Variants in TEX15 observed in about 807,000 individuals in gnomAD.
The protein encoded by TEX15 is testis expressed 15, meiosis and synapsis associated, also known as testis-expressed protein 15.
A neutral mutation model predicts 237.3 loss-of-function variants in TEX15; 171 were observed. That is an observed-to-expected ratio of 0.72 (90% CI 0.64 to 0.82). TEX15 has a LOEUF of 0.82. TEX15 is among the 40% of genes least tolerant of loss of function. The probability of loss-of-function intolerance (pLI) is 0.00; values close to 1 mark genes in which losing one functional copy is unlikely to be tolerated. For missense variants in TEX15, 3,750 were observed against 3,646.5 expected, an observed-to-expected ratio of 1.03 and a Z score of -0.73; for synonymous variants, 1,338 against 1,269.8, an observed-to-expected ratio of 1.05 and a Z score of -1.14.
intron 5 of TEX15, among the ~76,000 whole-genome samples, chr8:30,863,748 A>G (rs1808100402): frequency 6.6e-6 from 1 of 152,206 alleles, no homozygotes; most frequent in East Asian, 1.9e-4. Flanking sequence ...GGAAAAGTGC[A>G]GGCTCAGAAA....
chr8:30,866,988 G>A lies in TEX15; in HGVS notation c.540+277C>T, dbSNP rs933821648. ...TATGATAGAAACAAAAAGAGTAAAAGAGAGGTGGGTAAATCAGAACAAAAA... is the reference window on the plus strand; with the variant it reads ...TATGATAGAAACAAAAAGAGTAAAAAAGAGGTGGGTAAATCAGAACAAAAA... On this transcript the variant is annotated intron_variant, in intron 5 of 10. Coordinates refer to ENST00000643185, the MANE Select transcript of TEX15 (RefSeq NM_001350162.2). Among the ~76,000 whole-genome samples the A allele has an allele frequency of 3.3e-5, 5 of 150,036 alleles. 1 individual carries two copies. In the South Asian group the frequency reaches 8.4e-4, roughly 25 times the overall value.
chr8:30,869,513 G>A (rs368731269), intron 4 of TEX15, among the ~76,000 whole-genome samples: 1 of 151,940 alleles, frequency 6.6e-6, no homozygotes, highest in Admixed American at 6.6e-5. Flanking sequence ...AATTTCCACC[G>A]TGTGTTTTAT....
chr8:30,911,080 C>G lies in TEX15; in HGVS notation c.-86+1799G>C, dbSNP rs117060719. 5.2e-4 allele frequency among the ~76,000 whole-genome samples: 79 copies of G among 152,236 alleles called. 2 individuals are homozygous for G. The East Asian group carries it at 0.015, about 29-fold the overall frequency. ...TATTCAATAAATTTAACCATTTTCT[C>G]AATGTGAACTCAACGACATTTTAAT... is the stretch of plus-strand genomic sequence containing the variant. On this transcript the variant is annotated intron_variant, in intron 1 of 10. Coordinates refer to ENST00000643185, the MANE Select transcript of TEX15 (RefSeq NM_001350162.2).
At chr8:30,889,954 C>CATATATATATATATATATACAT in intron 2 of TEX15, among the ~76,000 whole-genome samples, 54 of 110,078 alleles carry the variant, frequency 4.9e-4, no homozygotes, top group South Asian at 3.6e-3. Context: ...TATATATATA[C>CATATATATATATATATATACAT]ATATATATAT....
At chr8:30,874,835 T>C in intron 4 of TEX15, 102 bp downstream of exon 4, 1 of 672,534 alleles carries the variant, frequency 1.5e-6, no homozygotes, top group Non-Finnish European at 2.1e-6. Context: ...GTTTTCTTAG[T>C]AATAACTTAC....
intron 3 of TEX15, among the ~76,000 whole-genome samples, chr8:30,879,253 G>C (rs1018872737): frequency 2.0e-5 from 3 of 152,026 alleles, no homozygotes; most frequent in South Asian, 4.2e-4. Context: ...CTTCCTAACA[G>C]AGTCTTTCGC....
chr8:30,840,071 T>A (rs1173451311), intron 8 of TEX15, 107 bp from the exon 9 acceptor site: 1 of 616,884 alleles, frequency 1.6e-6, no homozygotes, highest in Non-Finnish European at 2.5e-6. Context: ...TCTGCCATCA[T>A]CTAAAGTTAA....
chr8:30,856,246 C>T (rs28826423), intron 7 of TEX15, among the ~76,000 whole-genome samples: 31,113 of 151,708 alleles, frequency 0.21, 4,291 homozygotes, highest in African/African-American at 0.37. Context: ...GTGCCCGGCA[C>T]GAAGTTTCTT....
intron 5 of TEX15, among the ~76,000 whole-genome samples, chr8:30,861,376 TAAAC>T (rs746876605): frequency 3.3e-5 from 5 of 152,186 alleles, no homozygotes; most frequent in Admixed American, 6.5e-5. Context: ...TTTCTGCCCA[TAAAC>T]AACAAATGAT....
intron 5 of TEX15, among the ~76,000 whole-genome samples, chr8:30,864,476 A>C (rs532553830): frequency 6.6e-6 from 1 of 151,744 alleles, no homozygotes; most frequent in Non-Finnish European, 1.5e-5. Flanking sequence ...AGGTAGGAGG[A>C]TCGCTAGAGC....
At chr8:30,899,676 G>T (rs1808971544) in intron 1 of TEX15, among the ~76,000 whole-genome samples, 1 of 152,094 alleles carries the variant, frequency 6.6e-6, no homozygotes, top group South Asian at 2.1e-4. Context: ...GACCTCTAGT[G>T]ATCTGTCCGC....
rs1451279850 is a variant in TEX15 at position 30,842,041 on chromosome 8, T to G, written c.8126A>C (p.Gln2709Pro). ...ACAACTGGAAACAGTAGTATCTTGC[T>G]GTTGTTCCTGAGAGTCTTCACATTT... ...VDKCEDSQEQ[Q>P]QDTTVSSCKK... The change falls in exon 8 of 11, where the codon CAG becomes CCG. Residue 2709 changes from glutamine (Q) to proline (P), a missense_variant. Coordinates refer to ENST00000643185, the MANE Select transcript of TEX15 (RefSeq NM_001350162.2). 1 of 1,605,934 alleles carries G rather than the reference T, an allele frequency of 6.2e-7. No homozygotes were observed. Among genetic ancestry groups the G allele is most frequent in the African/African-American group, 1.3e-5 (1 of 74,342 alleles).
At position 30,838,079 on chromosome 8, in the gene TEX15, T is replaced by C. The variant is rs767613885; in HGVS notation, c.8223-18A>G. Reference sequence around the variant, plus strand: ...CTGTAGTCCTATTAGGTGCAACACATACATAAAAATGAATTTAAATATATA... The same window carrying C: ...CTGTAGTCCTATTAGGTGCAACACACACATAAAAATGAATTTAAATATATA... On this transcript the variant is annotated intron_variant, in intron 9 of 10. Transcript: ENST00000643185. The C allele has an allele frequency of 1.3e-6, 2 of 1,554,612 alleles. No individual in the cohort carries two copies. Among genetic ancestry groups the C allele is most frequent in the South Asian group, 1.2e-5 (1 of 80,452 alleles).
rs1278703100 is a variant in TEX15, at chr8:30,867,504, T to C, written c.303-2A>G. The C allele has an allele frequency of 6.6e-7, 1 of 1,517,604 alleles. No individual in the cohort carries two copies. Among genetic ancestry groups the C allele is most frequent in the Non-Finnish European group, 8.8e-7 (1 of 1,131,096 alleles). The allele number at this position is 1,517,604 out of a possible 1,614,324, so 94.0% of individuals were successfully genotyped here. On this transcript the variant is annotated splice_acceptor_variant, in intron 4 of 10. Transcript: ENST00000643185. LOFTEE classifies it high-confidence loss of function. ...CTTCCACTTTCACGCATCTCTGACC[T>C]AAAGTAAAACAAACAATGTATACAG...
chr8:30,845,316 A>T lies in TEX15; in HGVS notation c.4851T>A (p.Ser1617=). The T allele has an allele frequency of 6.2e-7, 1 of 1,612,956 alleles. No individual in the cohort carries two copies. The highest frequency in any genetic ancestry group is 8.5e-7 in the Non-Finnish European group (1 of 1,179,376). ...DANEVINESN[S]VSLSCIKENI... ...TTTCTTTTATGCAACTTAAAGATAC[A>T]GAATTACTTTCATTTATTACTTCAT... The change falls in exon 8 of 11, where the codon TCT becomes TCA. Residue 1617 remains serine (S), a synonymous_variant. Transcript: ENST00000643185.
At chr8:30,852,384 C>T (rs906676342) in intron 7 of TEX15, among the ~76,000 whole-genome samples, 10 of 151,926 alleles carry the variant, frequency 6.6e-5, no homozygotes, top group East Asian at 1.9e-4. Context: ...TGAGCCACCG[C>T]GCCTGGCCAC....
intron 2 of TEX15, among the ~76,000 whole-genome samples, chr8:30,897,071 C>T (rs1400330795): frequency 6.6e-6 from 1 of 152,054 alleles, no homozygotes; most frequent in Non-Finnish European, 1.5e-5. Context: ...TCCAAATTGT[C>T]TTTACAAAAT....
chr8:30,852,786 C>T (rs1049071497), intron 7 of TEX15, among the ~76,000 whole-genome samples: 1 of 152,112 alleles, frequency 6.6e-6, no homozygotes, highest in Non-Finnish European at 1.5e-5. Context: ...AACCAGATTA[C>T]AATCAATAAA....
chr8:30,845,030 T>G lies in TEX15; in HGVS notation c.5137A>C (p.Lys1713Gln), dbSNP rs1211652957. The G allele has an allele frequency of 6.2e-7, 1 of 1,613,648 alleles. No homozygotes were observed. The highest frequency in any genetic ancestry group is 1.1e-5 in the South Asian group (1 of 91,080). The change falls in exon 8 of 11, where the codon AAA (lysine) becomes CAA (glutamine). Residue 1713 changes from lysine (K) to glutamine (Q), a missense_variant. Transcript: ENST00000643185. ...GATAACTGAGGAATACTGTACTTTTTACTTGCTATCAAAGTTAGGTTTAAT... is the reference window on the plus strand; with the variant it reads ...GATAACTGAGGAATACTGTACTTTTGACTTGCTATCAAAGTTAGGTTTAAT... ...GPLNLTLIAS[K>Q]KYSIPQLSAA...
Sources: gnomAD v4.1 joint callset for allele counts (sites outside exome capture counted in the v4.1 genomes callset) on GRCh38, gnomAD v4.1.1 for gene constraint, MANE v1.5 for transcripts, NCBI Gene and HGNC (gene_info 2026-07-23, HGNC 2026-07-21) for gene names.